PLAGL1: variants seen among roughly 807,000 people sequenced by gnomAD.
The protein encoded by PLAGL1 is PLAG1 like zinc finger 1.
Under a neutral mutation model 4.6 loss-of-function variants are expected in PLAGL1, and 1 was observed. The ratio of observed to expected loss-of-function variants is 0.22; its 90% CI spans 0.08 to 1.03. The LOEUF (loss-of-function observed/expected upper bound fraction) is 1.03. PLAGL1 is among the 50% of genes least tolerant of loss of function. The pLI is 0.58. For synonymous variants in PLAGL1, 240 were observed against 237.8 expected (o/e 1.01, Z -0.08); for missense variants, 464 against 570.4 (o/e 0.81, Z 1.90).
At position 144,059,649 on chromosome 6, in the gene PLAGL1, A is replaced by G. The variant is rs994147440; in HGVS notation, c.-151+4819T>C. 6.6e-6 allele frequency among the ~76,000 whole-genome samples: 1 copy of G among 152,238 alleles called. No homozygotes were observed. The highest frequency in any genetic ancestry group is 1.5e-5 in the Non-Finnish European group (1 of 68,034). On this transcript the variant is annotated intron_variant, in intron 1 of 3. Transcript: ENST00000437412. The surrounding 1 kb of genome is among the most constrained non-coding windows in gnomAD (Gnocchi z 4.9). ...GGAAATGTATTCAGCAAAACTATTCAGCAAATAGCTACCACCCATCATAGC... is the reference window on the plus strand; with the variant it reads ...GGAAATGTATTCAGCAAAACTATTCGGCAAATAGCTACCACCCATCATAGC...
At chr6:144,018,898 G>T (rs1190694904) in intron 1 of PLAGL1, among the ~76,000 whole-genome samples, 1 of 152,180 alleles carries the variant, frequency 6.6e-6, no homozygotes, top group Non-Finnish European at 1.5e-5. Context: ...GCGAGGCATA[G>T]TGGCTCATGC....
chr6:143,970,694 GACATA>G lies in PLAGL1; in HGVS notation c.-543-1721_-543-1717del, dbSNP rs1785259625. Reference sequence around the variant, plus strand: ...AGATTAACACACATGTAAACACAGAGACATAACATATGTCCATCCCCAAACCTATT... The same window carrying G: ...AGATTAACACACATGTAAACACAGAGACATATGTCCATCCCCAAACCTATT... On this transcript the variant is annotated intron_variant, in intron 2 of 7. Transcript: ENST00000674357. The surrounding 1 kb of genome is among the most constrained non-coding windows in gnomAD (Gnocchi z 5.8). 6.6e-6 allele frequency among the ~76,000 whole-genome samples: 1 copy of G among 152,138 alleles called. No individual in the cohort carries two copies.
In PLAGL1 at chr6:144,015,177, T is replaced by G. The variant is rs1795487703; in HGVS notation, c.-150-46199A>C. On this transcript the variant is annotated intron_variant, in intron 1 of 3. Transcript: ENST00000437412. This position sits in a 1 kb window ranked among gnomAD's most constrained non-coding sequence, Gnocchi z 4.3. ...ACTCTGGCTTTCAAAGACTTGGGATTTTTTAAAAATGTAAAATATCCTATT... is the reference window on the plus strand; with the variant it reads ...ACTCTGGCTTTCAAAGACTTGGGATGTTTTAAAAATGTAAAATATCCTATT... Among the ~76,000 whole-genome samples the G allele has an allele frequency of 2.0e-5, 3 of 152,220 alleles. No homozygotes were observed. The highest frequency in any genetic ancestry group is 6.5e-5 in the Admixed American group (1 of 15,282).
intron 1 of PLAGL1, among the ~76,000 whole-genome samples, chr6:143,993,269 A>C (rs1790880634): frequency 6.6e-6 from 1 of 151,478 alleles, no homozygotes; most frequent in Non-Finnish European, 1.5e-5. Flanking sequence ...GCGCCACTGC[A>C]CTCCAGCCTA....
At chr6:144,038,267 C>T (rs1484257595) in intron 1 of PLAGL1, among the ~76,000 whole-genome samples, 4 of 152,192 alleles carry the variant, frequency 2.6e-5, no homozygotes, top group African/African-American at 9.7e-5. Context: ...TGTGAGGCTT[C>T]TTCACTACAT....
intron 1 of PLAGL1, among the ~76,000 whole-genome samples, chr6:144,001,485 T>C (rs1792873139): frequency 6.6e-6 from 1 of 152,168 alleles, no homozygotes; most frequent in African/African-American, 2.4e-5. Context: ...GCAAGATCCA[T>C]TGAACACTAA....
At position 144,053,283 on chromosome 6, in the gene PLAGL1, C is replaced by A. The variant is rs897595484; in HGVS notation, c.-151+11185G>T. 6.6e-6 allele frequency among the ~76,000 whole-genome samples: 1 copy of A among 152,172 alleles called. No homozygotes were observed. Among genetic ancestry groups the A allele is most frequent in the African/African-American group, 2.4e-5 (1 of 41,438 alleles). ...CTGAGTACCTGGGATTACAGGCATG[C>A]ACCATCATGCCGAGCTAATTTTTGT... On this transcript the variant is annotated intron_variant, in intron 1 of 3. Coordinates refer to the PLAGL1 transcript ENST00000437412. The surrounding 1 kb of genome is among the most constrained non-coding windows in gnomAD (Gnocchi z 4.0).
Position 143,942,369 on chromosome 6 carries a change from G to A in PLAGL1, c.447C>T (p.Ser149=), listed in dbSNP as rs755267953. The A allele has an allele frequency of 1.4e-5, 23 of 1,614,062 alleles. No homozygotes were observed. The highest frequency in any genetic ancestry group is 8.8e-5 in the South Asian group (8 of 91,078). ...ACTGGTGCTTCTTTTCCTTGGTTCCGCTAGGGGGCTTCTCTTCCGCATGGG... is the reference window on the plus strand; with the variant it reads ...ACTGGTGCTTCTTTTCCTTGGTTCCACTAGGGGGCTTCTCTTCCGCATGGG... ...LKAHAEEKPP[S]GTKEKKHQCD... is the part of the protein sequence containing the mutation. The change falls in exon 8 of 8, where the codon AGC becomes AGT. Residue 149 remains serine, a synonymous_variant. Coordinates refer to ENST00000674357, the MANE Select transcript of PLAGL1 (RefSeq NM_001317162.2). This position sits in a 1 kb window ranked among gnomAD's most constrained non-coding sequence, Gnocchi z 7.6.
chr6:144,018,514 T>G (rs1369367014), intron 1 of PLAGL1, among the ~76,000 whole-genome samples: 5 of 152,230 alleles, frequency 3.3e-5, no homozygotes, highest in African/African-American at 1.2e-4. Flanking sequence ...AAATTGCAGA[T>G]TTTAGTAAGT....
At chr6:144,054,391 A>T (rs1798793525) in intron 1 of PLAGL1, among the ~76,000 whole-genome samples, 2 of 152,254 alleles carry the variant, frequency 1.3e-5, no homozygotes, top group Non-Finnish European at 2.9e-5. Context: ...AATGTGGTAC[A>T]TATATACCAT....
intron 1 of PLAGL1, among the ~76,000 whole-genome samples, chr6:144,025,992 T>A (rs1796315013): frequency 6.6e-6 from 1 of 152,204 alleles, no homozygotes; most frequent in Non-Finnish European, 1.5e-5. Flanking sequence ...ATAACACGAA[T>A]ACTAAGTAAC....
In PLAGL1 at chr6:144,005,944, G is replaced by C. The variant is rs1035868775; in HGVS notation, c.-584+2146C>G. 2.0e-5 allele frequency: 3 copies of C among 151,970 alleles called. No individual in the cohort carries two copies. The highest frequency in any genetic ancestry group is 4.4e-5 in the Non-Finnish European group (3 of 67,974). The allele number at this position is 151,970 out of a possible 1,614,324, so 9.4% of individuals were successfully genotyped here. The stretch of plus-strand genomic sequence containing the variant: ...TTCTGTGATTTTTATATACTTTTTA[G>C]TATTTCGTTTTTCATAACAAAATTT... On this transcript the variant is annotated intron_variant, in intron 1 of 7. Transcript: ENST00000674357. This position sits in a 1 kb window ranked among gnomAD's most constrained non-coding sequence, Gnocchi z 4.6.
In PLAGL1 at chr6:144,053,477, C is replaced by G. The variant is rs1209867834; in HGVS notation, c.-151+10991G>C. Among the ~76,000 whole-genome samples the G allele has an allele frequency of 2.6e-5, 4 of 152,172 alleles. No individual in the cohort carries two copies. The highest frequency in any genetic ancestry group is 9.6e-5 in the African/African-American group (4 of 41,454). ...TGAGTAGTTCATTCAAGTATAACATCTTGCTACCACCTATGAGGGATACAA... is the reference window on the plus strand; with the variant it reads ...TGAGTAGTTCATTCAAGTATAACATGTTGCTACCACCTATGAGGGATACAA... On this transcript the variant is annotated intron_variant, in intron 1 of 3. Coordinates refer to the PLAGL1 transcript ENST00000437412. This position sits in a 1 kb window ranked among gnomAD's most constrained non-coding sequence, Gnocchi z 4.0.
chr6:144,028,747 T>G (rs1796561179), intron 1 of PLAGL1, among the ~76,000 whole-genome samples: 1 of 152,170 alleles, frequency 6.6e-6, no homozygotes, highest in African/African-American at 2.4e-5. Flanking sequence ...TGTCAAATAC[T>G]CAAAGCAAGT....
chr6:144,014,980 T>C (rs1795473955), intron 1 of PLAGL1, among the ~76,000 whole-genome samples: 1 of 152,206 alleles, frequency 6.6e-6, no homozygotes, highest in Non-Finnish European at 1.5e-5. Context: ...AATAAACTTC[T>C]ACATGCATTT....
rs975595298 is a variant in PLAGL1, at chr6:143,954,261, T to C, written c.-324-5801A>G. ...TCACCAGAAATCAGAGGAAGGCACT[T>C]AATAGGGAAAACTGACACAAAAAGT... On this transcript the variant is annotated intron_variant, in intron 6 of 7. Transcript: ENST00000674357. The surrounding 1 kb of genome is among the most constrained non-coding windows in gnomAD (Gnocchi z 5.1). 2.0e-5 allele frequency among the ~76,000 whole-genome samples: 3 copies of C among 151,858 alleles called. No individual in the cohort carries two copies. The highest frequency in any genetic ancestry group is 4.4e-5 in the Non-Finnish European group (3 of 67,970).
intron 1 of PLAGL1, among the ~76,000 whole-genome samples, chr6:143,998,247 T>C (rs1792103374): frequency 6.6e-6 from 1 of 152,172 alleles, no homozygotes; most frequent in Non-Finnish European, 1.5e-5. Context: ...TATAGTATAT[T>C]GGCAATGAAA....
rs1781221926 is a variant in PLAGL1, at chr6:143,952,252, TG to T, written c.-324-3793del. 6.6e-6 allele frequency among the ~76,000 whole-genome samples: 1 copy of T among 152,236 alleles called. No individual in the cohort carries two copies. Among genetic ancestry groups the T allele is most frequent in the East Asian group, 1.9e-4 (1 of 5,198 alleles). On this transcript the variant is annotated intron_variant, in intron 6 of 7. Coordinates refer to ENST00000674357, the MANE Select transcript of PLAGL1 (RefSeq NM_001317162.2). This position sits in a 1 kb window ranked among gnomAD's most constrained non-coding sequence, Gnocchi z 6.1. ...CTGGCCACATCCTTAAAACAATTTATGACAACTTTCTATTATCTGGCAGGCC... is the reference window on the plus strand; with the variant it reads ...CTGGCCACATCCTTAAAACAATTTATACAACTTTCTATTATCTGGCAGGCC...
At chr6:144,044,281 T>TA (rs1484821952) in intron 1 of PLAGL1, among the ~76,000 whole-genome samples, 1 of 152,230 alleles carries the variant, frequency 6.6e-6, no homozygotes, top group East Asian at 1.9e-4. Flanking sequence ...GGGTGTCAAT[T>TA]TTAGATCTTT....
Sources: gnomAD v4.1 joint callset for allele counts (sites outside exome capture counted in the v4.1 genomes callset) on GRCh38, gnomAD v4.1.1 for gene constraint, Gnocchi (gnomAD v3.1) non-coding constraint, MANE v1.5 for transcripts, NCBI Gene and HGNC (gene_info 2026-07-23, HGNC 2026-07-21) for gene names.